The following CTNND2 variants were observed in gnomAD, a reference collection of about 807,000 sequenced individuals.
The protein encoded by CTNND2 is catenin delta-2.
A neutral mutation model predicts 144.4 loss-of-function variants in CTNND2; 22 were observed. That is an observed-to-expected ratio of 0.15 (90% CI 0.11 to 0.22). CTNND2 has a LOEUF of 0.22. CTNND2 is among the 10% of genes least tolerant of loss of function. CTNND2 has a pLI of 1.00. For missense variants in CTNND2, 1,353 were observed against 1,618.8 expected, an observed-to-expected ratio of 0.84 and a Z score of 2.82; for synonymous variants, 751 against 695.6, an observed-to-expected ratio of 1.08 and a Z score of -1.25.
At chr5:11,792,203 A>G (rs1791169759) in intron 1 of CTNND2, among the ~76,000 whole-genome samples, 1 of 152,168 alleles carries the variant, frequency 6.6e-6, no homozygotes, top group African/African-American at 2.4e-5. Flanking sequence ...CATAGTTAGG[A>G]AGAACTGATA....
intron 2 of CTNND2, among the ~76,000 whole-genome samples, chr5:11,678,878 A>G (rs190205117): frequency 6.6e-6 from 1 of 152,080 alleles, no homozygotes; most frequent in Admixed American, 6.6e-5. Context: ...AGGTGTGTGT[A>G]TGATCTTTTG....
At chr5:11,386,607 G>C (rs1259524006) in intron 6 of CTNND2, among the ~76,000 whole-genome samples, 2 of 152,160 alleles carry the variant, frequency 1.3e-5, no homozygotes, top group Admixed American at 1.3e-4. Flanking sequence ...TCTATGCAGA[G>C]TGTGTGTATG....
chr5:11,061,527 G>A (rs1239318253), intron 16 of CTNND2, among the ~76,000 whole-genome samples: 1 of 152,032 alleles, frequency 6.6e-6, no homozygotes, highest in Non-Finnish European at 1.5e-5. Context: ...CTGCACCAGG[G>A]GTTTTGCTCT....
At chr5:11,238,767 T>G (rs1039438158) in intron 9 of CTNND2, among the ~76,000 whole-genome samples, 4 of 151,990 alleles carry the variant, frequency 2.6e-5, no homozygotes, top group African/African-American at 9.7e-5. Flanking sequence ...CACACACACA[T>G]ACTCAGAAAG....
chr5:11,267,444 T>C (rs1387389105), intron 9 of CTNND2, among the ~76,000 whole-genome samples: 1 of 152,146 alleles, frequency 6.6e-6, no homozygotes, highest in African/African-American at 2.4e-5. Flanking sequence ...GTGCCTGCAA[T>C]CCAGCCACCA....
Position 10,992,418 on chromosome 5 carries a change from T to A in CTNND2, c.3211+133A>T, listed in dbSNP as rs143656612. 2.1e-4 allele frequency: 263 copies of A among 1,280,818 alleles called. 1 individual carries two copies. In the East Asian group the frequency reaches 5.6e-3, roughly 27 times the overall value. 79.3% of individuals were successfully genotyped at this position (1,280,818 alleles called of 1,614,324 possible). On this transcript the variant is annotated intron_variant, in intron 19 of 21. Transcript: ENST00000304623. ...TGGCCACCACAGTACAAAGAACAGA[T>A]TCATTTCCTACTTCTAGCGAAGGTC...
chr5:11,003,262 A>G (rs1327414283), intron 18 of CTNND2, among the ~76,000 whole-genome samples: 1 of 152,174 alleles, frequency 6.6e-6, no homozygotes, highest in Non-Finnish European at 1.5e-5. Flanking sequence ...AAGCTCACCC[A>G]TGCACCAGCC....
At chr5:11,124,750 G>C (rs963305260) in intron 12 of CTNND2, among the ~76,000 whole-genome samples, 2 of 152,096 alleles carry the variant, frequency 1.3e-5, no homozygotes, top group African/African-American at 4.8e-5. Context: ...GATTCAGGAG[G>C]GTGTCTGTGA....
rs112347200 is a variant in CTNND2 at position 11,217,036 on chromosome 5, A to G, written c.1762-17375T>C. Among the ~76,000 whole-genome samples the G allele has an allele frequency of 3.4e-3, 511 of 152,266 alleles. 4 individuals are homozygous for G. The highest frequency in any genetic ancestry group is 0.012 in the African/African-American group (497 of 41,562). On this transcript the variant is annotated intron_variant, in intron 10 of 21. Coordinates refer to ENST00000304623, the MANE Select transcript of CTNND2 (RefSeq NM_001332.4). ...TGTGCTGTGCACACATTGCACTTCTATGTACCAAGAAGTACCAAGTGTGAA... is the reference window on the plus strand; with the variant it reads ...TGTGCTGTGCACACATTGCACTTCTGTGTACCAAGAAGTACCAAGTGTGAA...
intron 1 of CTNND2, among the ~76,000 whole-genome samples, chr5:11,743,047 AT>A (rs1475278176): frequency 2.6e-5 from 4 of 152,226 alleles, no homozygotes; most frequent in African/African-American, 9.6e-5. Context: ...ACAAAGAGAA[AT>A]CTAAAGTTAT....
chr5:11,584,429 G>GC (rs1194613353), intron 2 of CTNND2, among the ~76,000 whole-genome samples: 1 of 145,708 alleles, frequency 6.9e-6, no homozygotes. Context: ...TTTTTTTGGG[G>GC]GGGGGGAGGA....
chr5:11,172,767 A>G (rs1760059335), intron 11 of CTNND2, among the ~76,000 whole-genome samples: 1 of 152,156 alleles, frequency 6.6e-6, no homozygotes, highest in Non-Finnish European at 1.5e-5. Context: ...ATGTCACAAA[A>G]CTCATAATAT....
At chr5:11,018,713 T>A (rs1208392276) in intron 17 of CTNND2, among the ~76,000 whole-genome samples, 2 of 149,788 alleles carry the variant, frequency 1.3e-5, no homozygotes, top group African/African-American at 4.9e-5. Context: ...GACTCTTTTT[T>A]TTTTTTTTTT....
At chr5:11,662,185 G>GA (rs1303862270) in intron 2 of CTNND2, among the ~76,000 whole-genome samples, 4 of 123,086 alleles carry the variant, frequency 3.2e-5, no homozygotes, top group African/African-American at 1.2e-4. Context: ...ATACATATAT[G>GA]TGTATATATG....
chr5:11,883,951 T>C (rs1736323562), intron 1 of CTNND2, among the ~76,000 whole-genome samples: 1 of 152,238 alleles, frequency 6.6e-6, no homozygotes, highest in South Asian at 2.1e-4. Flanking sequence ...GCTTTTTTCA[T>C]ATGTTTGTTG....
chr5:11,805,501 G>T (rs1791942648), intron 1 of CTNND2, among the ~76,000 whole-genome samples: 1 of 151,694 alleles, frequency 6.6e-6, no homozygotes, highest in African/African-American at 2.4e-5. Context: ...ACCTCATAAT[G>T]CCAGAAAATA....
At chr5:11,111,601 A>G (rs2905986) in intron 13 of CTNND2, among the ~76,000 whole-genome samples, 36,857 of 152,074 alleles carry the variant, frequency 0.24, 5,009 homozygotes, top group Middle Eastern at 0.41. Context: ...GATGCCTGAC[A>G]CTCATGTTTT....
chr5:11,673,722 T>C (rs965952212), intron 2 of CTNND2, among the ~76,000 whole-genome samples: 1 of 152,108 alleles, frequency 6.6e-6, no homozygotes, highest in Non-Finnish European at 1.5e-5. Context: ...AATTTTTACA[T>C]GAAAAGTGAA....
At chr5:11,201,701 G>A (rs193192060) in intron 10 of CTNND2, among the ~76,000 whole-genome samples, 2 of 152,314 alleles carry the variant, frequency 1.3e-5, no homozygotes, top group Admixed American at 6.5e-5. Flanking sequence ...GGGATGTAGA[G>A]GGACAGTGTG....
Sources: allele counts gnomAD v4.1 joint callset (sites outside exome capture counted in the v4.1 genomes callset), GRCh38; gene constraint gnomAD v4.1.1; transcripts MANE v1.5; gene names NCBI Gene and HGNC (gene_info 2026-07-23, HGNC 2026-07-21).